The following PTPN14 variants were observed in gnomAD, a reference collection of about 807,000 sequenced individuals.
The protein encoded by PTPN14 is tyrosine-protein phosphatase non-receptor type 14.
In PTPN14, 53 loss-of-function variants were observed where a neutral mutation model predicts 126.8. The observed-to-expected ratio is 0.42, with a 90% CI of 0.34 to 0.53. The LOEUF is 0.53. Among genes scored for constraint, PTPN14 ranks in the 20% least tolerant of loss-of-function variants. PTPN14 has a pLI of 0.08. For missense variants in PTPN14, 1,257 were observed against 1,552.9 expected, an observed-to-expected ratio of 0.81 and a Z score of 3.20; for synonymous variants, 630 against 599.3, an observed-to-expected ratio of 1.05 and a Z score of -0.75.
chr1:214,420,908 A>T (rs1231638578), intron 3 of PTPN14, among the ~76,000 whole-genome samples: 1 of 152,248 alleles, frequency 6.6e-6, no homozygotes, highest in Non-Finnish European at 1.5e-5. Context: ...ATCGAAAGAA[A>T]ATACTGTGCT....
chr1:214,526,974 C>T (rs1216380466), intron 1 of PTPN14, among the ~76,000 whole-genome samples: 1 of 152,040 alleles, frequency 6.6e-6, no homozygotes, highest in African/African-American at 2.4e-5. Flanking sequence ...GCCTGTAATC[C>T]CAGCTACTGG....
chr1:214,486,434 T>C (rs1161664569), intron 1 of PTPN14, among the ~76,000 whole-genome samples: 1 of 152,208 alleles, frequency 6.6e-6, no homozygotes, highest in Non-Finnish European at 1.5e-5. Context: ...TTTATTGTGA[T>C]TTTTCCTTAG....
rs747941349 is a variant in PTPN14, at chr1:214,384,181, C to A, written c.1674G>T (p.Met558Ile). Residue 558 changes from methionine to isoleucine, a missense_variant, in exon 13 of 19, where the codon ATG becomes ATT. Around this residue, in one of 3 missense-constraint regions of PTPN14, gnomAD observed 1,021 missense variants for 1,183.3 expected, o/e 0.86. Transcript: ENST00000366956. This position sits in a 1 kb window ranked among gnomAD's most constrained non-coding sequence, Gnocchi z 5.3. ...QGSHNYSTAH[M>I]LKNYLFRPPP... ...GTGGCCTGAAGAGATAGTTCTTAAG[C>A]ATGTGGGCCGTGCTGTAGTTATGGC... The A allele has an allele frequency of 6.2e-7, 1 of 1,603,710 alleles. No individual in the cohort carries two copies. Among genetic ancestry groups the A allele is most frequent in the Admixed American group, 1.7e-5 (1 of 59,724 alleles).
chr1:214,465,479 G>A (rs1660614830), intron 1 of PTPN14, among the ~76,000 whole-genome samples: 1 of 152,080 alleles, frequency 6.6e-6, no homozygotes, highest in South Asian at 2.1e-4. Flanking sequence ...AAATTAGCCA[G>A]GCATGATGGC....
At chr1:214,451,687 C>T (rs544343515) in intron 3 of PTPN14, 118 bp downstream of exon 3, 6 of 1,195,562 alleles carry the variant, frequency 5.0e-6, no homozygotes, top group South Asian at 3.2e-5. Context: ...CCCTCTCCCC[C>T]ACCACACACC....
intron 7 of PTPN14, among the ~76,000 whole-genome samples, chr1:214,399,346 A>C (rs1004339075): frequency 2.6e-5 from 4 of 152,146 alleles, no homozygotes; most frequent in African/African-American, 9.7e-5. Context: ...CTTTTTTCTC[A>C]ATTTGTCACA....
chr1:214,511,725 G>A (rs1022303817), intron 1 of PTPN14, among the ~76,000 whole-genome samples: 6 of 152,194 alleles, frequency 3.9e-5, no homozygotes, highest in Non-Finnish European at 7.3e-5. Flanking sequence ...GCACACCCAT[G>A]TCACAGCAGC....
intron 1 of PTPN14, among the ~76,000 whole-genome samples, chr1:214,502,530 T>G (rs912797085): frequency 6.6e-6 from 1 of 152,180 alleles, no homozygotes; most frequent in Non-Finnish European, 1.5e-5. Context: ...TATTTTTTAT[T>G]TATTTATTTT....
rs899126966 is a variant in PTPN14, at chr1:214,534,488, C to T, written c.-155+16695G>A. ...CAGCACTTTGGGAGGCCGAGGCGGG[C>T]GGATCACGAGGTCAGGAGATCGAGA... is the stretch of plus-strand genomic sequence containing the variant. On this transcript the variant is annotated intron_variant, in intron 1 of 18. Transcript: ENST00000366956. Among the ~76,000 whole-genome samples the T allele has an allele frequency of 1.3e-4, 19 of 151,880 alleles. No individual in the cohort carries two copies. The South Asian group carries it at 2.9e-3, about 23-fold the overall frequency.
intron 2 of PTPN14, among the ~76,000 whole-genome samples, chr1:214,459,149 C>CCT (rs1553268587): frequency 1.5e-5 from 2 of 135,810 alleles, no homozygotes; most frequent in Non-Finnish European, 3.1e-5. Flanking sequence ...CTCTTTTCTT[C>CCT]TTTTTTTTTT....
At chr1:214,437,898 A>G (rs1341599438) in intron 3 of PTPN14, among the ~76,000 whole-genome samples, 1 of 152,248 alleles carries the variant, frequency 6.6e-6, no homozygotes, top group Non-Finnish European at 1.5e-5. Flanking sequence ...TTAAATGATA[A>G]GAATCACCCA....
At position 214,354,515 on chromosome 1, in the gene PTPN14, G is replaced by A. The variant is rs959540171; in HGVS notation, c.*3407C>T. 2 of 152,198 alleles carry A rather than the reference G, an allele frequency of 1.3e-5. No homozygotes were observed. The highest frequency in any genetic ancestry group is 1.5e-5 in the Non-Finnish European group (1 of 68,044). The allele number at this position is 152,198 out of a possible 1,614,324, so 9.4% of individuals were successfully genotyped here. A position where few individuals can be genotyped will look rare whatever the true frequency, so the allele number is the denominator to read the frequency against. On this transcript the variant is annotated 3_prime_UTR_variant, in exon 19 of 19. Transcript: ENST00000366956. ...CTCTTGCTAAAAGATGGTATATCCA[G>A]TATATCCTTAGAACCCAAGGAAACC...
chr1:214,412,921 G>T (rs1053517368), intron 4 of PTPN14, among the ~76,000 whole-genome samples: 2 of 152,174 alleles, frequency 1.3e-5, no homozygotes, highest in African/African-American at 4.8e-5. Context: ...CTGGGCTGGG[G>T]TGTAGTGAAT....
intron 1 of PTPN14, among the ~76,000 whole-genome samples, chr1:214,475,464 C>T (rs1017186888): frequency 6.6e-6 from 1 of 152,194 alleles, no homozygotes; most frequent in Admixed American, 6.5e-5. Context: ...CAGAAGAATA[C>T]CTGACTCTGG....
chr1:214,368,777 G>A (rs1400998528), intron 17 of PTPN14, among the ~76,000 whole-genome samples: 2 of 152,164 alleles, frequency 1.3e-5, no homozygotes, highest in Admixed American at 1.3e-4. Context: ...GAGACCAGGA[G>A]TTCAAGACTA....
chr1:214,476,226 C>T (rs1490986454), intron 1 of PTPN14, among the ~76,000 whole-genome samples: 2 of 152,198 alleles, frequency 1.3e-5, no homozygotes, highest in Non-Finnish European at 2.9e-5. Context: ...AGAACCTGAG[C>T]ATGTCGCATA....
intron 1 of PTPN14, among the ~76,000 whole-genome samples, chr1:214,478,492 A>T (rs920784848): frequency 6.6e-6 from 1 of 152,200 alleles, no homozygotes; most frequent in African/African-American, 2.4e-5. Flanking sequence ...AACAGAGAAG[A>T]AACATCTACT....
intron 3 of PTPN14, among the ~76,000 whole-genome samples, chr1:214,437,990 G>A (rs924192744): frequency 6.6e-6 from 1 of 152,182 alleles, no homozygotes; most frequent in African/African-American, 2.4e-5. Flanking sequence ...AATGCCATAG[G>A]CAATACTGAT....
At chr1:214,490,310 C>G (rs751734114) in intron 1 of PTPN14, among the ~76,000 whole-genome samples, 1 of 152,176 alleles carries the variant, frequency 6.6e-6, no homozygotes, top group Non-Finnish European at 1.5e-5. Context: ...GAATTGATAC[C>G]CCAGCTGAGA....
Sources: allele counts gnomAD v4.1 joint callset (sites outside exome capture counted in the v4.1 genomes callset), GRCh38; gene constraint gnomAD v4.1.1; regional missense constraint gnomAD v4.1.1; non-coding constraint Gnocchi (gnomAD v3.1); transcripts MANE v1.5; gene names NCBI Gene and HGNC (gene_info 2026-07-23, HGNC 2026-07-21).